AFF3: variants seen among roughly 807,000 people sequenced by gnomAD.
AFF3 encodes ALF transcription elongation factor 3, also known as AF4/FMR2 family member 3.
Under a neutral mutation model 129.7 loss-of-function variants are expected in AFF3, and 32 were observed. That is an observed-to-expected ratio of 0.25 (90% CI 0.19 to 0.33). The LOEUF (loss-of-function observed/expected upper bound fraction) is 0.33, where lower values mean the gene tolerates loss of function less well. Among genes scored for constraint, AFF3 ranks in the 10% least tolerant of loss-of-function variants. The pLI is 1.00. For missense variants in AFF3, 1,373 were observed against 1,592.0 expected (o/e 0.86, Z 2.34); for synonymous variants, 644 against 635.4 (o/e 1.01, Z -0.20).
chr2:99,999,440 C>T (rs1479857092), intron 7 of AFF3, among the ~76,000 whole-genome samples: 1 of 152,094 alleles, frequency 6.6e-6, no homozygotes, highest in Non-Finnish European at 1.5e-5. Context: ...AAACTATGTG[C>T]CAGGAACCAT....
chr2:99,739,843 G>C (rs1680564848), intron 10 of AFF3, among the ~76,000 whole-genome samples: 1 of 150,822 alleles, frequency 6.6e-6, no homozygotes, highest in African/African-American at 2.4e-5. Flanking sequence ...TTAAGTTTTA[G>C]GGTACATGTG....
chr2:99,758,534 C>T (rs1239512674), intron 8 of AFF3, among the ~76,000 whole-genome samples: 11 of 138,240 alleles, frequency 8.0e-5, no homozygotes, highest in Non-Finnish European at 1.2e-4. Flanking sequence ...TGCAGTGAGC[C>T]GAAATCATGC....
At chr2:99,924,868 GATTT>G (rs145933159) in intron 7 of AFF3, among the ~76,000 whole-genome samples, 126 of 150,570 alleles carry the variant, frequency 8.4e-4, no homozygotes, top group African/African-American at 2.9e-3. Flanking sequence ...CACCAAAAAT[GATTT>G]ATTAATTTTT....
chr2:100,011,137 G>A (rs762833747), intron 4 of AFF3, among the ~76,000 whole-genome samples: 6 of 152,122 alleles, frequency 3.9e-5, no homozygotes, highest in East Asian at 1.9e-4. Context: ...AGCCAGGGGC[G>A]GTGGTGGGCA....
At chr2:100,054,255 C>CA (rs1251237054) in intron 4 of AFF3, among the ~76,000 whole-genome samples, 1 of 152,186 alleles carries the variant, frequency 6.6e-6, no homozygotes, top group Non-Finnish European at 1.5e-5. Context: ...GAGGAAGTTG[C>CA]ATTAGATGGA....
At chr2:99,628,380 A>G (rs896299670) in intron 13 of AFF3, among the ~76,000 whole-genome samples, 9 of 151,986 alleles carry the variant, frequency 5.9e-5, no homozygotes, top group African/African-American at 2.2e-4. Context: ...GGTGTATAGG[A>G]ATACTAGTGA....
chr2:99,773,483 G>GTGCTCC (rs1683653058), intron 8 of AFF3, among the ~76,000 whole-genome samples: 1 of 149,702 alleles, frequency 6.7e-6, no homozygotes, highest in Non-Finnish European at 1.5e-5. Context: ...AACGTTTTGG[G>GTGCTCC]AATTCTTCTT....
intron 7 of AFF3, among the ~76,000 whole-genome samples, chr2:99,902,849 C>T (rs528278965): frequency 1.3e-5 from 2 of 152,156 alleles, no homozygotes; most frequent in South Asian, 2.1e-4. Flanking sequence ...GAAAGGCCTC[C>T]CATGCATAAT....
intron 7 of AFF3, among the ~76,000 whole-genome samples, chr2:99,978,250 C>T (rs75798658): frequency 0.041 from 6,188 of 152,144 alleles, 193 homozygotes; most frequent in Non-Finnish European, 0.064. Flanking sequence ...CCAGGAACTA[C>T]AAATCTAAAT....
chr2:99,554,604 G>C (rs1354676733), intron 23 of AFF3, 70 bp from the exon 24 acceptor site: 3 of 1,610,616 alleles, frequency 1.9e-6, no homozygotes, highest in Non-Finnish European at 2.5e-6. Context: ...AGCCCCTTGG[G>C]GAACAGAAAG....
chr2:100,131,622 G>A (rs1482227062), intron 1 of AFF3, among the ~76,000 whole-genome samples: 1 of 152,016 alleles, frequency 6.6e-6, no homozygotes, highest in Non-Finnish European at 1.5e-5. Flanking sequence ...ACCACACCCG[G>A]CTAATTTTTG....
chr2:100,012,225 C>T (rs966883629), intron 4 of AFF3, among the ~76,000 whole-genome samples: 1 of 152,146 alleles, frequency 6.6e-6, no homozygotes, highest in Non-Finnish European at 1.5e-5. Context: ...AAAATGGCAA[C>T]GTCCCCACTT....
intron 2 of AFF3, among the ~76,000 whole-genome samples, chr2:100,118,635 C>A (rs1369633066): frequency 6.7e-6 from 1 of 149,546 alleles, no homozygotes; most frequent in Non-Finnish European, 1.5e-5. Flanking sequence ...TTTTTTTTTT[C>A]TGGTCGTTGT....
intron 13 of AFF3, among the ~76,000 whole-genome samples, chr2:99,611,882 A>G (rs975921492): frequency 1.7e-5 from 2 of 119,238 alleles, no homozygotes; most frequent in Non-Finnish European, 4.1e-5. Flanking sequence ...GTGAGATATC[A>G]TCTCAAAAAA....
intron 7 of AFF3, among the ~76,000 whole-genome samples, chr2:99,887,237 A>C (rs1207816124): frequency 1.3e-5 from 2 of 152,222 alleles, no homozygotes; most frequent in Non-Finnish European, 2.9e-5. Flanking sequence ...CAAATCAGAG[A>C]CCAAATTAGA....
chr2:99,947,584 AAAG>A (rs1309254336), intron 7 of AFF3, among the ~76,000 whole-genome samples: 9 of 132,360 alleles, frequency 6.8e-5, no homozygotes, highest in Non-Finnish European at 1.3e-4. Context: ...AAAAGAAAAG[AAAG>A]AAAGAAAGAA....
intron 7 of AFF3, among the ~76,000 whole-genome samples, chr2:99,871,285 G>A (rs1691849579): frequency 6.6e-6 from 1 of 152,106 alleles, no homozygotes; most frequent in African/African-American, 2.4e-5. Context: ...AAGCATTTCG[G>A]GTAAGGGATA....
intron 4 of AFF3, among the ~76,000 whole-genome samples, chr2:100,035,722 C>G (rs1456859530): frequency 6.6e-6 from 1 of 152,028 alleles, no homozygotes; most frequent in Non-Finnish European, 1.5e-5. Context: ...AGTATTTGTT[C>G]AATGAAAGAA....
chr2:99,637,467 C>A (rs372738251), intron 13 of AFF3, among the ~76,000 whole-genome samples: 1 of 152,078 alleles, frequency 6.6e-6, no homozygotes, highest in African/African-American at 2.4e-5. Context: ...TCATTTGTTG[C>A]GTTTGGATTG....
Sources: gnomAD v4.1 joint callset for allele counts (sites outside exome capture counted in the v4.1 genomes callset) on GRCh38, gnomAD v4.1.1 for gene constraint, MANE v1.5 for transcripts, NCBI Gene and HGNC (gene_info 2026-07-23, HGNC 2026-07-21) for gene names.